The following RBFOX1 variants were observed in gnomAD, a reference collection of about 807,000 sequenced individuals.
RBFOX1 encodes RNA binding protein fox-1 homolog 1.
A neutral mutation model predicts 57.7 loss-of-function variants in RBFOX1; 8 were observed. The ratio of observed to expected loss-of-function variants is 0.14; its 90% CI spans 0.08 to 0.25. RBFOX1 has a LOEUF of 0.25. Ranked by LOEUF, RBFOX1 falls within the 10% of genes least tolerant of loss-of-function variation. The pLI is 1.00. For synonymous variants in RBFOX1, 326 were observed against 222.4 expected (o/e 1.47, Z -4.15); for missense variants, 611 against 548.5 (o/e 1.11, Z -1.14).
intron 2 of RBFOX1, among the ~76,000 whole-genome samples, chr16:6,423,235 G>A (rs774865191): frequency 3.8e-4 from 58 of 152,220 alleles, no homozygotes; most frequent in Admixed American, 2.5e-3. Flanking sequence ...CATTTTGTTC[G>A]GCCTTCCGCA....
chr16:6,318,204 G>C (rs969464271), intron 2 of RBFOX1, among the ~76,000 whole-genome samples: 4 of 152,186 alleles, frequency 2.6e-5, no homozygotes, highest in Non-Finnish European at 4.4e-5. Flanking sequence ...ACCCTGATCA[G>C]CTAACGCTTG....
intron 1 of RBFOX1, among the ~76,000 whole-genome samples, chr16:6,306,773 C>T (rs1363960114): frequency 1.3e-5 from 2 of 152,124 alleles, no homozygotes; most frequent in Non-Finnish European, 2.9e-5. Flanking sequence ...AATCTGTCTG[C>T]AGGAATTAAA....
chr16:6,867,903 A>G (rs1276991012), intron 3 of RBFOX1, among the ~76,000 whole-genome samples: 1 of 152,140 alleles, frequency 6.6e-6, no homozygotes, highest in East Asian at 1.9e-4. Context: ...ATACTCTTAA[A>G]CAAGAGAGTA....
chr16:5,362,834 T>A (rs575726548), intron 1 of RBFOX1, among the ~76,000 whole-genome samples: 2 of 152,206 alleles, frequency 1.3e-5, no homozygotes, highest in Non-Finnish European at 2.9e-5. Context: ...CTTAGCATAA[T>A]GTCTCCCCAT....
chr16:5,967,345 C>G (rs1278641173), intron 4 of RBFOX1, among the ~76,000 whole-genome samples: 1 of 152,116 alleles, frequency 6.6e-6, no homozygotes, highest in African/African-American at 2.4e-5. Flanking sequence ...TTTGATAAGA[C>G]TTAGTTCTTC....
At chr16:5,591,123 AATAAAAAGTATCGGGTAGC>A (rs1260296875) in intron 2 of RBFOX1, among the ~76,000 whole-genome samples, 2 of 152,138 alleles carry the variant, frequency 1.3e-5, no homozygotes, top group Non-Finnish European at 1.5e-5. Flanking sequence ...TTAAAAATCA[AATAAAAAGTATCGGGTAGC>A]ATAAAAAATA....
At chr16:6,215,633 C>G (rs1409953183) in intron 1 of RBFOX1, among the ~76,000 whole-genome samples, 2 of 152,086 alleles carry the variant, frequency 1.3e-5, no homozygotes, top group African/African-American at 4.8e-5. Context: ...CTCCATTAAC[C>G]TTGTCTTTTT....
chr16:5,857,480 A>G (rs1200548315), intron 3 of RBFOX1, among the ~76,000 whole-genome samples: 1 of 152,184 alleles, frequency 6.6e-6, no homozygotes, highest in Non-Finnish European at 1.5e-5. Context: ...ATTAAAGAGC[A>G]AGCAGTGTCT....
At chr16:7,283,088 C>G (rs189992934) in intron 4 of RBFOX1, among the ~76,000 whole-genome samples, 1 of 152,032 alleles carries the variant, frequency 6.6e-6, no homozygotes. Flanking sequence ...TTTTGTATAA[C>G]GACTTTTTTT....
At chr16:5,672,346 T>A (rs984955800) in intron 3 of RBFOX1, among the ~76,000 whole-genome samples, 14 of 152,126 alleles carry the variant, frequency 9.2e-5, no homozygotes, top group African/African-American at 3.1e-4. Context: ...GCTCTTGACT[T>A]CATGCCTGGT....
intron 1 of RBFOX1, among the ~76,000 whole-genome samples, chr16:6,302,308 C>T (rs958644110): frequency 1.3e-5 from 2 of 152,142 alleles, no homozygotes; most frequent in Non-Finnish European, 2.9e-5. Flanking sequence ...GTGCTGTATT[C>T]ATCTTTCTGC....
chr16:6,039,804 C>G (rs1033632462), intron 1 of RBFOX1, among the ~76,000 whole-genome samples: 1 of 152,244 alleles, frequency 6.6e-6, no homozygotes, highest in Non-Finnish European at 1.5e-5. Flanking sequence ...CTTTTGAGGT[C>G]TCTCCTGATG....
chr16:6,127,542 C>T (rs2096598778), intron 1 of RBFOX1, among the ~76,000 whole-genome samples: 1 of 152,100 alleles, frequency 6.6e-6, no homozygotes, highest in African/African-American at 2.4e-5. Context: ...GTTGACCTTG[C>T]AGAAATGAAT....
intron 4 of RBFOX1, among the ~76,000 whole-genome samples, chr16:7,102,151 C>G (rs190526794): frequency 2.6e-5 from 4 of 152,198 alleles, no homozygotes; most frequent in Non-Finnish European, 5.9e-5. Flanking sequence ...AAAAGAAACA[C>G]TCCTCTTACT....
At chr16:7,362,328 T>C (rs548250558) in intron 4 of RBFOX1, among the ~76,000 whole-genome samples, 2 of 151,396 alleles carry the variant, frequency 1.3e-5, no homozygotes, top group Non-Finnish European at 3.0e-5. Flanking sequence ...GTGTATGTTT[T>C]GTGTGTATGT....
At chr16:6,667,057 T>C (rs1051062598) in intron 3 of RBFOX1, among the ~76,000 whole-genome samples, 1 of 152,290 alleles carries the variant, frequency 6.6e-6, no homozygotes, top group East Asian at 1.9e-4. Context: ...GAAAATGAGA[T>C]GTTAGTCGTA....
intron 1 of RBFOX1, among the ~76,000 whole-genome samples, chr16:6,284,528 GC>G (rs1292127273): frequency 6.6e-6 from 1 of 152,162 alleles, no homozygotes; most frequent in African/African-American, 2.4e-5. Context: ...TTCATTTAAT[GC>G]CATTTTTATC....
At chr16:7,602,351 T>A (rs563714068) in intron 9 of RBFOX1, among the ~76,000 whole-genome samples, 28 of 152,252 alleles carry the variant, frequency 1.8e-4, no homozygotes, top group Middle Eastern at 3.4e-3. Flanking sequence ...CCAAGACGTC[T>A]GTTCTCTGGC....
chr16:7,033,171 G>A (rs911561145), intron 3 of RBFOX1, among the ~76,000 whole-genome samples: 1 of 152,176 alleles, frequency 6.6e-6, no homozygotes, highest in Non-Finnish European at 1.5e-5. Context: ...AGGCGGTAAA[G>A]GTGTTGATTT....
Sources: allele counts gnomAD v4.1 joint callset (sites outside exome capture counted in the v4.1 genomes callset), GRCh38; gene constraint gnomAD v4.1.1; transcripts MANE v1.5; gene names NCBI Gene and HGNC (gene_info 2026-07-23, HGNC 2026-07-21).